The following RPTOR variants were observed in gnomAD, a reference collection of about 807,000 sequenced individuals.
RPTOR encodes regulatory associated protein of MTOR complex 1, also known as regulatory-associated protein of mTOR.
In RPTOR, 21 loss-of-function variants were observed where a neutral mutation model predicts 169.9. That is an observed-to-expected ratio of 0.12 (90% CI 0.09 to 0.18). The LOEUF is 0.18. RPTOR is among the 10% of genes least tolerant of loss of function. The pLI, the probability that RPTOR is intolerant of heterozygous loss-of-function variation, is 1.00. For missense variants in RPTOR, 1,133 were observed against 1,855.9 expected, an observed-to-expected ratio of 0.61 and a Z score of 7.16; for synonymous variants, 732 against 753.2, an observed-to-expected ratio of 0.97 and a Z score of 0.46.
At chr17:80,670,202 A>G (rs2065811177) in intron 3 of RPTOR, among the ~76,000 whole-genome samples, 1 of 152,142 alleles carries the variant, frequency 6.6e-6, no homozygotes. Context: ...GTTTCTTGTC[A>G]CAACTGTCTC....
In RPTOR at chr17:80,628,262, G is replaced by T. The variant is rs182019843; in HGVS notation, c.265+2469G>T. ...TTTTGAGGACCATTCATTTCTTTCC[G>T]CAGTTCCAAGTTTCTATCTGGTATC... is the stretch of plus-strand genomic sequence containing the variant. On this transcript the variant is annotated intron_variant, in intron 2 of 33. Coordinates refer to ENST00000306801, the MANE Select transcript of RPTOR (RefSeq NM_020761.3). 4.9e-4 allele frequency among the ~76,000 whole-genome samples: 75 copies of T among 152,026 alleles called. 2 individuals carry two copies. The highest frequency in any genetic ancestry group is 6.6e-5 in the Admixed American group (1 of 15,262).
chr17:80,882,420 G>A (rs940653000), intron 14 of RPTOR, among the ~76,000 whole-genome samples: 5 of 152,206 alleles, frequency 3.3e-5, no homozygotes, highest in African/African-American at 4.8e-5. Flanking sequence ...CAGAACAAAC[G>A]TTATTAGCAA....
At chr17:80,779,901 G>C (rs376488550) in intron 6 of RPTOR, among the ~76,000 whole-genome samples, 3 of 152,134 alleles carry the variant, frequency 2.0e-5, no homozygotes, top group Non-Finnish European at 4.4e-5. Context: ...CTCCGTTCTC[G>C]GGGTGCTCTT....
chr17:80,876,658 G>T (rs1462639241), intron 13 of RPTOR, among the ~76,000 whole-genome samples: 28 of 101,756 alleles, frequency 2.8e-4, no homozygotes, highest in Middle Eastern at 8.6e-3. Flanking sequence ...CCCGTGCCAC[G>T]CAGGGTGTGT....
chr17:80,660,868 A>G lies in RPTOR; in HGVS notation c.348+17058A>G, dbSNP rs1207727360. Among the ~76,000 whole-genome samples, 20 of 150,570 alleles carry G rather than the reference A, an allele frequency of 1.3e-4. No homozygotes were observed. In the East Asian group the frequency reaches 2.2e-3, roughly 16 times the overall value. Reference sequence around the variant, plus strand: ...TTCTCTCAGCAGGAGCCTCCCCCATACCACCCCAAGTCAGCTTCCTAAAAT... The same window carrying G: ...TTCTCTCAGCAGGAGCCTCCCCCATGCCACCCCAAGTCAGCTTCCTAAAAT... On this transcript the variant is annotated intron_variant, in intron 3 of 33. Transcript: ENST00000306801.
chr17:80,909,004 G>A (rs533204472), intron 21 of RPTOR, 75 bp downstream of exon 21: 9 of 999,660 alleles, frequency 9.0e-6, no homozygotes, highest in Middle Eastern at 2.9e-4. Flanking sequence ...GGAACTCCAG[G>A]TGTGCCCGGG....
At chr17:80,780,496 G>C (rs2066930181) in intron 6 of RPTOR, among the ~76,000 whole-genome samples, 1 of 152,210 alleles carries the variant, frequency 6.6e-6, no homozygotes, top group African/African-American at 2.4e-5. Context: ...AACAGTTGCT[G>C]ACACCCTCTG....
rs145218394 is a variant in RPTOR at position 80,743,800 on chromosome 17, C to G, written c.655-10210C>G. On this transcript the variant is annotated intron_variant, in intron 5 of 33. Transcript: ENST00000306801. ...ACTAGCAGAGCCCTGGCTACTAGCA[C>G]AGCCCTGGCTACTAGCAGAGCCCTG... Among the ~76,000 whole-genome samples the G allele has an allele frequency of 1.1e-3, 92 of 81,678 alleles. 2 individuals carry two copies. Among genetic ancestry groups the G allele is most frequent in the Middle Eastern group, 6.5e-3 (1 of 154 alleles). 53.6% of individuals were successfully genotyped at this position (81,678 alleles called of 152,430 possible).
At chr17:80,913,472 A>G (rs1228079609) in intron 21 of RPTOR, among the ~76,000 whole-genome samples, 8 of 151,068 alleles carry the variant, frequency 5.3e-5, no homozygotes, top group Admixed American at 5.2e-4. Context: ...TTTTGTTTTG[A>G]GACAGGGTCT....
Position 80,695,218 on chromosome 17 carries a change from T to G in RPTOR, c.349-12623T>G, listed in dbSNP as rs1014963813. 2.0e-5 allele frequency among the ~76,000 whole-genome samples: 3 copies of G among 152,206 alleles called. No individual in the cohort carries two copies. The highest frequency in any genetic ancestry group is 1.3e-4 in the Admixed American group (2 of 15,282). ...AGACAGAGGCTGCCCCGACCCGTGC[T>G]GTGCGGGTCACTCACCCCCACATTG... is the stretch of plus-strand genomic sequence containing the variant. On this transcript the variant is annotated intron_variant, in intron 3 of 33. Coordinates refer to ENST00000306801, the MANE Select transcript of RPTOR (RefSeq NM_020761.3). The surrounding 1 kb of genome is among the most constrained non-coding windows in gnomAD (Gnocchi z 4.9).
chr17:80,709,160 T>A (rs1487082769), intron 4 of RPTOR: 1 of 825,530 alleles, frequency 1.2e-6, no homozygotes, highest in East Asian at 1.2e-4. Flanking sequence ...GTGCCATCTC[T>A]CCCCGTGTGT....
At chr17:80,846,017 C>T (rs1037337684) in intron 10 of RPTOR, among the ~76,000 whole-genome samples, 3 of 152,124 alleles carry the variant, frequency 2.0e-5, no homozygotes, top group African/African-American at 7.2e-5. Flanking sequence ...CTGTCCTGGG[C>T]CCCTTTCCTT....
At chr17:80,683,915 C>T (rs2065916402) in intron 3 of RPTOR, among the ~76,000 whole-genome samples, 1 of 152,180 alleles carries the variant, frequency 6.6e-6, no homozygotes, top group Non-Finnish European at 1.5e-5. Flanking sequence ...CAGAATGGGA[C>T]TTAGAAGCCA....
chr17:80,604,916 TCTTTTTTTTTTTCCC>T (rs2065217650), intron 1 of RPTOR, among the ~76,000 whole-genome samples: 1 of 124,178 alleles, frequency 8.1e-6, no homozygotes, highest in Admixed American at 9.8e-5. Flanking sequence ...CCAAGTCATA[TCTTTTTTTTTTTCCC>T]CTTTTTTTTT....
intron 20 of RPTOR, among the ~76,000 whole-genome samples, chr17:80,903,277 G>C (rs931854748): frequency 6.6e-6 from 1 of 152,348 alleles, no homozygotes; most frequent in Non-Finnish European, 1.5e-5. Context: ...ACCTGAACAC[G>C]GGATTCTGCG....
chr17:80,867,676 G>T (rs926989313), intron 13 of RPTOR, among the ~76,000 whole-genome samples: 1 of 152,088 alleles, frequency 6.6e-6, no homozygotes, highest in Non-Finnish European at 1.5e-5. Flanking sequence ...AAGTTTGCAG[G>T]TTATAAGATC....
chr17:80,687,687 C>T (rs2065959186), intron 3 of RPTOR, among the ~76,000 whole-genome samples: 1 of 152,202 alleles, frequency 6.6e-6, no homozygotes, highest in African/African-American at 2.4e-5. Context: ...TCATCGGCTT[C>T]AGAAGGGGAA....
At chr17:80,822,997 A>G (rs1168486860) in intron 8 of RPTOR, 82 bp from the exon 9 acceptor site, 21 of 1,488,758 alleles carry the variant, frequency 1.4e-5, no homozygotes, top group East Asian at 4.5e-5. Context: ...GTAATTTTTG[A>G]TAGAAGTGAA....
At chr17:80,733,429 A>C (rs1433194214) in intron 5 of RPTOR, among the ~76,000 whole-genome samples, 1 of 152,222 alleles carries the variant, frequency 6.6e-6, no homozygotes. Flanking sequence ...TATGATGAAT[A>C]AAGTAGTCCC....
Sources: gnomAD v4.1 joint callset for allele counts (sites outside exome capture counted in the v4.1 genomes callset) on GRCh38, gnomAD v4.1.1 for gene constraint, Gnocchi (gnomAD v3.1) non-coding constraint, MANE v1.5 for transcripts, NCBI Gene and HGNC (gene_info 2026-07-23, HGNC 2026-07-21) for gene names.